The following EXOC6B variants were observed in gnomAD, a reference collection of about 807,000 sequenced individuals.
The protein encoded by EXOC6B is SEC15 homolog B.
EXOC6B carries 54 observed loss-of-function variants against 113.5 expected under a neutral mutation model. That is an observed-to-expected ratio of 0.48 (90% CI 0.38 to 0.60). The LOEUF (loss-of-function observed/expected upper bound fraction) is 0.60, where lower values mean the gene tolerates loss of function less well. EXOC6B is among the 20% of genes least tolerant of loss of function. The pLI is 0.00. For missense variants in EXOC6B, 797 were observed against 977.5 expected, an observed-to-expected ratio of 0.82 and a Z score of 2.46; for synonymous variants, 357 against 339.0, an observed-to-expected ratio of 1.05 and a Z score of -0.58.
chr2:72,666,977 C>G (rs1020685092), intron 6 of EXOC6B, among the ~76,000 whole-genome samples: 1 of 152,120 alleles, frequency 6.6e-6, no homozygotes, highest in Admixed American at 6.5e-5. Flanking sequence ...ATTCTCCTGC[C>G]TCAGCCTCCC....
At chr2:72,281,386 A>G (rs1685121145) in intron 20 of EXOC6B, among the ~76,000 whole-genome samples, 1 of 152,240 alleles carries the variant, frequency 6.6e-6, no homozygotes, top group South Asian at 2.1e-4. Flanking sequence ...TAGAAACAGT[A>G]CTACAGGTGA....
At chr2:72,628,420 T>C (rs1672188581) in intron 6 of EXOC6B, among the ~76,000 whole-genome samples, 1 of 152,168 alleles carries the variant, frequency 6.6e-6, no homozygotes, top group African/African-American at 2.4e-5. Context: ...TGAGCTCCCA[T>C]GCCTGGCCCT....
chr2:72,748,894 G>A (rs776407936), intron 1 of EXOC6B, among the ~76,000 whole-genome samples: 1 of 151,988 alleles, frequency 6.6e-6, no homozygotes, highest in Non-Finnish European at 1.5e-5. Flanking sequence ...AGACTATTAG[G>A]AAATAAACTA....
At chr2:72,817,265 A>T (rs1686302527) in intron 1 of EXOC6B, among the ~76,000 whole-genome samples, 1 of 152,256 alleles carries the variant, frequency 6.6e-6, no homozygotes, top group South Asian at 2.1e-4. Flanking sequence ...CAGGCTTTTT[A>T]AAAATTATTT....
intron 8 of EXOC6B, among the ~76,000 whole-genome samples, chr2:72,556,662 A>G (rs1382350943): frequency 6.6e-6 from 1 of 152,110 alleles, no homozygotes; most frequent in Non-Finnish European, 1.5e-5. Flanking sequence ...TGATGAACCT[A>G]AGATGGGTTA....
chr2:72,182,998 C>CT, intron 21 of EXOC6B: 1 of 872,830 alleles, frequency 1.1e-6, no homozygotes. Flanking sequence ...AAACTGCAGT[C>CT]TGAGTTTTTA....
chr2:72,537,834 T>C lies in EXOC6B; in HGVS notation c.915+21619A>G, dbSNP rs914041742. 2.0e-4 allele frequency among the ~76,000 whole-genome samples: 31 copies of C among 152,280 alleles called. 1 individual carries two copies. The East Asian group carries it at 5.4e-3, about 27-fold the overall frequency. On this transcript the variant is annotated intron_variant, in intron 8 of 21. Coordinates refer to ENST00000272427, the MANE Select transcript of EXOC6B (RefSeq NM_015189.3). The stretch of plus-strand genomic sequence containing the variant: ...ATTTATTCAGATACGGTATATCAAG[T>C]TGACAAAAATTGATGTTATTTTTGA...
chr2:72,289,353 T>C (rs1399165923), intron 20 of EXOC6B, among the ~76,000 whole-genome samples: 1 of 152,166 alleles, frequency 6.6e-6, no homozygotes, highest in Non-Finnish European at 1.5e-5. Context: ...AATAAAATGT[T>C]TACTTGAAAA....
Position 72,204,339 on chromosome 2 carries a change from G to A in EXOC6B, c.2197-20152C>T, listed in dbSNP as rs138724564. Among the ~76,000 whole-genome samples, 918 of 152,166 alleles carry A rather than the reference G, an allele frequency of 6.0e-3. 7 individuals carry two copies. The highest frequency in any genetic ancestry group is 9.9e-3 in the Non-Finnish European group (673 of 67,996). On this transcript the variant is annotated intron_variant, in intron 20 of 21. Transcript: ENST00000272427. ...CTCCTTGAGGTTCTCTGGGGTCCCG[G>A]GGTCTGGCTCCACAAGGTTCTAGTC...
At chr2:72,500,204 T>C (rs1480876718) in intron 11 of EXOC6B, among the ~76,000 whole-genome samples, 1 of 152,144 alleles carries the variant, frequency 6.6e-6, no homozygotes, top group African/African-American at 2.4e-5. Context: ...CACTTGGGAA[T>C]TTAAAAATGC....
chr2:72,332,119 G>T (rs1322135313), intron 20 of EXOC6B, among the ~76,000 whole-genome samples: 7 of 100,460 alleles, frequency 7.0e-5, no homozygotes, highest in Non-Finnish European at 1.8e-5. Context: ...TATCCTTGCT[G>T]CACTGCACTG....
In EXOC6B at chr2:72,503,582, T is replaced by C. The variant is rs1247296569; in HGVS notation, c.1168-3610A>G. ...CATTATATGAATGTACCACAGTTTG[T>C]TTCTCCATTCACCCACTGACAAACA... On this transcript the variant is annotated intron_variant, in intron 11 of 21. Transcript: ENST00000272427. Among the ~76,000 whole-genome samples, 3 of 152,326 alleles carry C rather than the reference T, an allele frequency of 2.0e-5. No individual in the cohort carries two copies. In the East Asian group the frequency reaches 5.8e-4, roughly 29 times the overall value.
At chr2:72,205,358 A>C (rs1011174829) in intron 20 of EXOC6B, among the ~76,000 whole-genome samples, 1 of 140,704 alleles carries the variant, frequency 7.1e-6, no homozygotes, top group African/African-American at 2.7e-5. Context: ...TTTTATGCTT[A>C]AAGTAGAAAA....
intron 18 of EXOC6B, among the ~76,000 whole-genome samples, chr2:72,447,696 T>A (rs1696669300): frequency 6.6e-6 from 1 of 152,228 alleles, no homozygotes; most frequent in Admixed American, 6.5e-5. Flanking sequence ...TGTATTTCAC[T>A]AGTGACAATT....
In EXOC6B at chr2:72,642,937, A is replaced by T. The variant is rs1394904399; in HGVS notation, c.670-67269T>A. Among the ~76,000 whole-genome samples the T allele has an allele frequency of 1.0e-4, 15 of 149,464 alleles. No individual in the cohort carries two copies. The South Asian group carries it at 3.3e-3, about 32-fold the overall frequency. On this transcript the variant is annotated intron_variant, in intron 6 of 21. Transcript: ENST00000272427. ...TTACAAGAAAAAAACAAACAACCCC[A>T]TCAAAAAGTGGGCAAAGGACATGAA...
At chr2:72,462,439 T>C (rs1697746812) in intron 18 of EXOC6B, 1 of 152,138 alleles carries the variant, frequency 6.6e-6, no homozygotes, top group South Asian at 2.1e-4. Context: ...ATATTGAAAT[T>C]TAATCCCCAA....
intron 20 of EXOC6B, among the ~76,000 whole-genome samples, chr2:72,315,677 G>A (rs964385314): frequency 1.1e-4 from 17 of 152,096 alleles, no homozygotes; most frequent in African/African-American, 4.1e-4. Context: ...GACGTGTGAT[G>A]TGCGAGAAAA....
At chr2:72,271,368 A>C (rs895965485) in intron 20 of EXOC6B, among the ~76,000 whole-genome samples, 4 of 152,136 alleles carry the variant, frequency 2.6e-5, no homozygotes, top group African/African-American at 7.2e-5. Context: ...TGAGTCGCCT[A>C]CATTAAGCAG....
At chr2:72,654,926 C>T (rs565216782) in intron 6 of EXOC6B, among the ~76,000 whole-genome samples, 42 of 152,256 alleles carry the variant, frequency 2.8e-4, no homozygotes, top group African/African-American at 9.4e-4. Flanking sequence ...TGTAATACCA[C>T]GCATAAATAG....
Sources: gnomAD v4.1 joint callset for allele counts (sites outside exome capture counted in the v4.1 genomes callset) on GRCh38, gnomAD v4.1.1 for gene constraint, MANE v1.5 for transcripts, NCBI Gene and HGNC (gene_info 2026-07-23, HGNC 2026-07-21) for gene names.